Variants in USP28 observed in about 807,000 individuals in gnomAD.
The protein encoded by USP28 is ubiquitin carboxyl-terminal hydrolase 28.
In USP28, 113 loss-of-function variants were observed where a neutral mutation model predicts 145.0. That is an observed-to-expected ratio of 0.78 (90% CI 0.67 to 0.91). The LOEUF is 0.91. Ranked by LOEUF, USP28 falls within the 40% of genes least tolerant of loss-of-function variation. The probability of loss-of-function intolerance (pLI) is 0.00; values close to 1 mark genes in which losing one functional copy is unlikely to be tolerated. For missense variants in USP28, 1,201 were observed against 1,289.6 expected (o/e 0.93, Z 1.05); for synonymous variants, 447 against 450.9 (o/e 0.99, Z 0.11).
exon 7 of USP28, chr11:113,833,430 T>C: frequency 6.2e-7 from 1 of 1,613,406 alleles, no homozygotes; most frequent in South Asian, 1.1e-5. Context: ...CTGCTGTTCC[T>C]CAGATGATCG....
chr11:113,860,776 AC>A (rs992507958), intron 1 of USP28, among the ~76,000 whole-genome samples: 2 of 148,898 alleles, frequency 1.3e-5, no homozygotes, highest in Middle Eastern at 3.3e-3. Context: ...CCAAGATTGC[AC>A]CGCTGCACTC....
intron 3 of USP28, among the ~76,000 whole-genome samples, chr11:113,851,428 C>T (rs948165319): frequency 7.9e-5 from 12 of 152,172 alleles, no homozygotes; most frequent in Non-Finnish European, 1.5e-4. Context: ...TTGCTGTTCC[C>T]TGAGCAAGCC....
chr11:113,851,440 A>G (rs573537874), intron 3 of USP28, among the ~76,000 whole-genome samples: 1 of 152,178 alleles, frequency 6.6e-6, no homozygotes, highest in South Asian at 2.1e-4. Flanking sequence ...GAGCAAGCCA[A>G]GGTGCACTCC....
intron 2 of USP28, among the ~76,000 whole-genome samples, 154 bp from the exon 3 acceptor site, chr11:113,852,787 T>A (rs1402862491): frequency 1.3e-5 from 2 of 152,200 alleles, no homozygotes; most frequent in African/African-American, 4.8e-5. Context: ...GTAGGTCTAA[T>A]GTGCTTGAAG....
chr11:113,824,452 G>A (rs1006897614), intron 11 of USP28, among the ~76,000 whole-genome samples: 1 of 151,876 alleles, frequency 6.6e-6, no homozygotes, highest in Non-Finnish European at 1.5e-5. Context: ...CAGGTAGCTG[G>A]AATTACAGGT....
At chr11:113,864,133 C>T (rs1181892773) in intron 1 of USP28, among the ~76,000 whole-genome samples, 3 of 151,168 alleles carry the variant, frequency 2.0e-5, no homozygotes, top group African/African-American at 7.3e-5. Context: ...CCCAGCTACT[C>T]GGGAGGCTGA....
chr11:113,806,419 C>T (rs944620162), intron 19 of USP28, 70 bp downstream of exon 20: 5 of 1,367,900 alleles, frequency 3.7e-6, no homozygotes, highest in Admixed American at 1.9e-5. Flanking sequence ...TTTTTCCCTT[C>T]TTATAGAATT....
exon 23 of USP28, chr11:113,803,211 G>A (rs762520310): frequency 2.2e-5 from 35 of 1,613,914 alleles, no homozygotes; most frequent in South Asian, 1.2e-4. Flanking sequence ...ACCCCCCGGC[G>A]GGGCCCCTTC....
chr11:113,831,540 T>A (rs1408531378), intron 8 of USP28, among the ~76,000 whole-genome samples: 5 of 152,144 alleles, frequency 3.3e-5, no homozygotes, highest in Non-Finnish European at 7.4e-5. Flanking sequence ...CTATAACCTA[T>A]CCTCTACACA....
At chr11:113,833,621 AAAAAAAAGTTG>A in intron 6 of USP28, 64 bp from the exon 7 acceptor site, 1 of 1,518,718 alleles carries the variant, frequency 6.6e-7, no homozygotes. Flanking sequence ...ACGTGTAAAG[AAAAAAAAGTTG>A]TCAATAATCA....
chr11:113,871,603 T>C (rs1948823212), intron 1 of USP28, among the ~76,000 whole-genome samples: 1 of 152,024 alleles, frequency 6.6e-6, no homozygotes, highest in Non-Finnish European at 1.5e-5. Context: ...GTAAAAACCA[T>C]TAATCTAGGT....
chr11:113,817,717 A>G (rs140134467), exon 13 of USP28: 3 of 1,614,222 alleles, frequency 1.9e-6, no homozygotes, highest in Non-Finnish European at 2.5e-6. Flanking sequence ...GTAATGTCAT[A>G]TGTGTGTCAC....
intron 11 of USP28, among the ~76,000 whole-genome samples, chr11:113,824,484 A>T (rs971674599): frequency 4.0e-5 from 6 of 151,756 alleles, no homozygotes; most frequent in Non-Finnish European, 8.8e-5. Context: ...AGTCTGATTA[A>T]TTTTTGTATT....
In USP28 at chr11:113,803,420, C is replaced by T. The variant is rs982662725; in HGVS notation, c.2739-139G>A. 7 of 983,656 alleles carry T rather than the reference C, an allele frequency of 7.1e-6. No individual in the cohort carries two copies. In the East Asian group the frequency reaches 1.9e-4, roughly 27 times the overall value. 60.9% of individuals were successfully genotyped at this position (983,656 alleles called of 1,614,324 possible). ...AAGGACCAAAGACCGTAGCCAGTCT[C>T]ATCTCTTCTACAAATTGGCCTAGCC... is the stretch of plus-strand genomic sequence containing the variant. On this transcript the variant is annotated intron_variant, in intron 22 of 24. Transcript: ENST00000003302.
At chr11:113,797,907 ATCTGC>A (rs1246100026) in exon 25 of USP28, 3 of 152,538 alleles carry the variant, frequency 2.0e-5, no homozygotes, top group African/African-American at 7.2e-5. Context: ...CATTTATAAA[ATCTGC>A]ATAGTTGTAT....
Position 113,840,769 on chromosome 11 carries a change from A to G in USP28, c.375-12T>C. On this transcript the variant is annotated splice_polypyrimidine_tract_variant and intron_variant, in intron 4 of 24. Coordinates refer to ENST00000003302, the Ensembl canonical transcript of USP28. ...TTGCTTCATGCATCCTATATTGTGC[A>G]GCGTGCCACACAGCAAAAAAGAAAA... 2 of 1,609,178 alleles carry G rather than the reference A, an allele frequency of 1.2e-6. No homozygotes were observed. Among genetic ancestry groups the G allele is most frequent in the Non-Finnish European group, 1.7e-6 (2 of 1,178,098 alleles).
intron 3 of USP28, 33 bp from the exon 4 acceptor site, chr11:113,841,801 AT>A (rs757826334): frequency 6.8e-7 from 1 of 1,478,908 alleles, no homozygotes; most frequent in South Asian, 1.2e-5. Flanking sequence ...ATTAGTCTAT[AT>A]ATAGGAAACA....
At chr11:113,866,328 A>G (rs1005782543) in intron 1 of USP28, among the ~76,000 whole-genome samples, 3 of 152,160 alleles carry the variant, frequency 2.0e-5, no homozygotes, top group African/African-American at 7.2e-5. Context: ...CACAGTGTAC[A>G]AATTATCAAG....
chr11:113,832,034 A>G (rs1944051601), intron 7 of USP28, 41 bp from the exon 8 acceptor site: 1 of 1,495,788 alleles, frequency 6.7e-7, no homozygotes, highest in Non-Finnish European at 9.3e-7. Context: ...TAGATGCAAT[A>G]CTAAGAGAAA....
Sources: gnomAD v4.1 joint callset for allele counts (sites outside exome capture counted in the v4.1 genomes callset) on GRCh38, gnomAD v4.1.1 for gene constraint, MANE v1.5 for transcripts, NCBI Gene and HGNC (gene_info 2026-07-23, HGNC 2026-07-21) for gene names.